Variants in GSK3B observed in about 807,000 individuals in gnomAD.
GSK3B encodes glycogen synthase kinase-3 beta.
Under a neutral mutation model 56.4 loss-of-function variants are expected in GSK3B, and 15 were observed. The ratio of observed to expected loss-of-function variants is 0.27; its 90% confidence interval spans 0.18 to 0.41. The LOEUF (loss-of-function observed/expected upper bound fraction) is 0.41. GSK3B is among the 10% of genes least tolerant of loss of function. The probability of loss-of-function intolerance (pLI) is 1.00; values close to 1 mark genes in which losing one functional copy is unlikely to be tolerated. For synonymous variants in GSK3B, 181 were observed against 188.9 expected (o/e 0.96, Z 0.34); for missense variants, 300 against 513.4 (o/e 0.58, Z 4.02).
chr3:119,961,844 T>C (rs1238430836), intron 2 of GSK3B, among the ~76,000 whole-genome samples: 1 of 152,178 alleles, frequency 6.6e-6, no homozygotes, highest in Non-Finnish European at 1.5e-5. Flanking sequence ...CATATAGTAT[T>C]CAATAAATTA....
chr3:120,091,467 CAA>C (rs2058511694), intron 1 of GSK3B, among the ~76,000 whole-genome samples: 1 of 152,132 alleles, frequency 6.6e-6, no homozygotes, highest in East Asian at 1.9e-4. Context: ...ACCAAGAATT[CAA>C]GAGTCATTTT....
At chr3:120,040,684 T>A (rs951838786) in intron 1 of GSK3B, among the ~76,000 whole-genome samples, 3 of 151,918 alleles carry the variant, frequency 2.0e-5, no homozygotes, top group African/African-American at 7.3e-5. Flanking sequence ...CAATCTCTTG[T>A]TAAAAGACCT....
At chr3:119,827,075 T>C (rs1447871522) in intron 10 of GSK3B, among the ~76,000 whole-genome samples, 1 of 152,216 alleles carries the variant, frequency 6.6e-6, no homozygotes, top group East Asian at 1.9e-4. Context: ...AGACAGTGTC[T>C]TTGAATAAGT....
chr3:120,049,541 G>A (rs2058130509), intron 1 of GSK3B, among the ~76,000 whole-genome samples: 1 of 152,168 alleles, frequency 6.6e-6, no homozygotes, highest in Non-Finnish European at 1.5e-5. Context: ...AGAGGTAAAA[G>A]CATATACTAG....
At chr3:119,971,501 A>G (rs531762456) in intron 2 of GSK3B, among the ~76,000 whole-genome samples, 1 of 151,698 alleles carries the variant, frequency 6.6e-6, no homozygotes, top group South Asian at 2.1e-4. Flanking sequence ...ATTTCATTAT[A>G]GCTTCCATAG....
At chr3:120,031,979 T>C (rs1339047805) in intron 1 of GSK3B, among the ~76,000 whole-genome samples, 1 of 152,236 alleles carries the variant, frequency 6.6e-6, no homozygotes, top group Non-Finnish European at 1.5e-5. Flanking sequence ...TTAATGTCTC[T>C]ACTTATGTTG....
chr3:119,900,089 T>C (rs1576185039), intron 7 of GSK3B, among the ~76,000 whole-genome samples: 1 of 152,242 alleles, frequency 6.6e-6, no homozygotes, highest in East Asian at 1.9e-4. Context: ...AACAGTAGTT[T>C]AGTAAAGCTG....
At chr3:119,967,842 C>T (rs1245496074) in intron 2 of GSK3B, among the ~76,000 whole-genome samples, 4 of 82,288 alleles carry the variant, frequency 4.9e-5, no homozygotes, top group African/African-American at 3.6e-4. Context: ...CTTTCTCTCT[C>T]TCTCTCTCTC....
chr3:119,945,831 C>T (rs1258298027), intron 3 of GSK3B, among the ~76,000 whole-genome samples: 4 of 151,416 alleles, frequency 2.6e-5, no homozygotes, highest in Non-Finnish European at 4.4e-5. Flanking sequence ...ATAATTCTTA[C>T]CCAGGAGTAT....
chr3:119,843,342 T>G lies in GSK3B; in HGVS notation c.1108A>C (p.Asn370His), dbSNP rs1255291178. Residue 370 changes from asparagine (N) to histidine (H), a missense_variant, in exon 10 of 11, where the codon AAT becomes CAT. Physicochemically the swap from Asn to His is moderately conservative, Grantham distance 68. This residue lies in a region of GSK3B where 88 missense variants were observed against 92.7 expected (regional missense o/e 0.95). Transcript: ENST00000264235. ...FNFTTQELSS[N>H]PPLATILIPP... Reference sequence around the variant, plus strand: ...ATAAGGATGGTAGCCAGAGGTGGATTACTTGACAGTTCTATAGAAGGTTAA... The same window carrying G: ...ATAAGGATGGTAGCCAGAGGTGGATGACTTGACAGTTCTATAGAAGGTTAA... The G allele has an allele frequency of 6.3e-7, 1 of 1,597,562 alleles. No homozygotes were observed. The highest frequency in any genetic ancestry group is 8.6e-7 in the Non-Finnish European group (1 of 1,165,782).
intron 8 of GSK3B, among the ~76,000 whole-genome samples, chr3:119,874,510 A>C (rs1381878683): frequency 1.3e-5 from 2 of 152,048 alleles, no homozygotes; most frequent in Non-Finnish European, 2.9e-5. Context: ...CCTTAGATAA[A>C]GGAGGACTAG....
chr3:119,856,437 C>T (rs77887117), intron 9 of GSK3B, among the ~76,000 whole-genome samples: 2,294 of 152,224 alleles, frequency 0.015, 56 homozygotes, highest in African/African-American at 0.051. Flanking sequence ...CTACATTTTC[C>T]CCAGTAGAGT....
intron 2 of GSK3B, among the ~76,000 whole-genome samples, chr3:119,983,605 CAAAG>C (rs2057485084): frequency 6.6e-6 from 1 of 150,818 alleles, no homozygotes; most frequent in Non-Finnish European, 1.5e-5. Flanking sequence ...ATCAAAGAGA[CAAAG>C]AAAGCCATTA....
intron 7 of GSK3B, among the ~76,000 whole-genome samples, chr3:119,881,936 G>A (rs781394609): frequency 3.9e-5 from 6 of 152,116 alleles, no homozygotes; most frequent in Non-Finnish European, 7.4e-5. Context: ...CTTGACTGCC[G>A]CCATCCATGT....
rs1293897645 is a variant in GSK3B, at chr3:119,822,374, T to C, written c.*4414A>G. 4.8e-6 allele frequency: 1 copy of C among 210,486 alleles called. No individual in the cohort carries two copies. The highest frequency in any genetic ancestry group is 9.6e-6 in the Non-Finnish European group (1 of 103,934). The allele number at this position is 210,486 out of a possible 1,614,324, so 13.0% of individuals were successfully genotyped here. On this transcript the variant is annotated 3_prime_UTR_variant, in exon 11 of 11. Transcript: ENST00000264235. ...GGCAACACATTTATAAATGCAAATT[T>C]TACAGGCAAGCAGATTTTCATACAA...
chr3:119,845,323 CAGGCA>C (rs2055840564), intron 9 of GSK3B, among the ~76,000 whole-genome samples: 1 of 152,170 alleles, frequency 6.6e-6, no homozygotes, highest in African/African-American at 2.4e-5. Flanking sequence ...CCAGGGCAAT[CAGGCA>C]AGAGAAAGAA....
intron 2 of GSK3B, among the ~76,000 whole-genome samples, chr3:119,971,217 C>T (rs865860188): frequency 6.6e-6 from 1 of 152,132 alleles, no homozygotes; most frequent in African/African-American, 2.4e-5. Flanking sequence ...TCTCCCCATC[C>T]CCATCCAAAT....
intron 4 of GSK3B, among the ~76,000 whole-genome samples, chr3:119,920,020 A>T (rs1341516932): frequency 2.6e-5 from 4 of 152,242 alleles, no homozygotes; most frequent in Non-Finnish European, 1.5e-5. Context: ...CTTAAAAAAT[A>T]CTTAACACTG....
intron 2 of GSK3B, among the ~76,000 whole-genome samples, chr3:119,993,405 C>A (rs1428667703): frequency 6.6e-6 from 1 of 151,692 alleles, no homozygotes; most frequent in East Asian, 1.9e-4. Context: ...AACAGATGAA[C>A]CTAACTACTT....
Sources: gnomAD v4.1 joint callset for allele counts (sites outside exome capture counted in the v4.1 genomes callset) on GRCh38, gnomAD v4.1.1 for gene constraint, gnomAD v4.1.1 regional missense constraint, MANE v1.5 for transcripts, NCBI Gene and HGNC (gene_info 2026-07-23, HGNC 2026-07-21) for gene names.